The following C9 variants were observed in gnomAD, a reference collection of about 807,000 sequenced individuals.
The protein encoded by C9 is complement component C9.
In C9, 63 loss-of-function variants were observed where a neutral mutation model predicts 65.4. The observed-to-expected ratio is 0.96, with a 90% confidence interval of 0.79 to 1.19. C9 has a LOEUF of 1.19. Ranked by LOEUF, C9 falls within the 50% of genes most tolerant of loss-of-function variation. The pLI is 0.00. For synonymous variants in C9, 229 were observed against 227.9 expected (o/e 1.00, Z -0.04); for missense variants, 744 against 670.1 (o/e 1.11, Z -1.22).
chr5:39,294,675 T>C (rs1561332398), intron 9 of C9, among the ~76,000 whole-genome samples: 1 of 151,682 alleles, frequency 6.6e-6, no homozygotes, highest in African/African-American at 2.4e-5. Flanking sequence ...AAAATTTTTT[T>C]AAAGACTGAA....
chr5:39,358,668 G>T (rs998659732), intron 1 of C9, among the ~76,000 whole-genome samples: 1 of 152,092 alleles, frequency 6.6e-6, no homozygotes, highest in African/African-American at 2.4e-5. Context: ...ATAGCGAAAA[G>T]CAATCAGGTT....
chr5:39,332,861 T>G (rs1753869201), intron 4 of C9, among the ~76,000 whole-genome samples: 7 of 152,242 alleles, frequency 4.6e-5, no homozygotes, highest in Admixed American at 4.6e-4. Context: ...GGTAGTGGGT[T>G]AGTTAAAAAC....
At chr5:39,362,435 C>A (rs1277341885) in intron 1 of C9, among the ~76,000 whole-genome samples, 1 of 152,142 alleles carries the variant, frequency 6.6e-6, no homozygotes, top group East Asian at 1.9e-4. Context: ...CTGGCCACCA[C>A]CAGAAACTAG....
At chr5:39,297,191 T>C (rs2111855133) in intron 9 of C9, among the ~76,000 whole-genome samples, 1 of 151,750 alleles carries the variant, frequency 6.6e-6, no homozygotes, top group African/African-American at 2.4e-5. Context: ...GACAAATGTT[T>C]TAGATGATGG....
chr5:39,359,220 G>C (rs893120748), intron 1 of C9, among the ~76,000 whole-genome samples: 6 of 150,292 alleles, frequency 4.0e-5, no homozygotes, highest in African/African-American at 1.5e-4. Context: ...AAGTAACTTG[G>C]AGAATGGTGG....
Position 39,306,787 on chromosome 5 carries a change from T to G in C9, c.1246A>C (p.Ile416Leu). 6.2e-7 allele frequency: 1 copy of G among 1,609,696 alleles called. No individual in the cohort carries two copies. Among genetic ancestry groups the G allele is most frequent in the Non-Finnish European group, 8.5e-7 (1 of 1,176,140 alleles). The stretch of plus-strand genomic sequence containing the variant: ...TCATCTATGAGGTTTTCACTGGTGA[T>G]GTTTACTGAGGAGAGAAGGAAGATT... Reference protein sequence around the residue: ...VKRGEGRAVNITSENLIDDVV... With the variant: ...VKRGEGRAVNLTSENLIDDVV... Residue 416 changes from isoleucine to leucine, a missense_variant, in exon 9 of 11, where the codon ATC becomes CTC. Coordinates refer to ENST00000263408, the MANE Select transcript of C9 (RefSeq NM_001737.5).
chr5:39,356,435 C>T (rs978948126), intron 1 of C9, among the ~76,000 whole-genome samples: 26 of 152,222 alleles, frequency 1.7e-4, no homozygotes, highest in African/African-American at 6.0e-4. Flanking sequence ...TCTTGAGATA[C>T]AGCAAGTGGA....
At chr5:39,316,162 T>A (rs1471612565) in intron 5 of C9, 133 bp from the exon 6 acceptor site, 2 of 682,670 alleles carry the variant, frequency 2.9e-6, no homozygotes, top group Non-Finnish European at 5.0e-6. Context: ...GCAAAAGTGA[T>A]GGAGTCAGAT....
chr5:39,294,678 A>G (rs1391393165), intron 9 of C9, among the ~76,000 whole-genome samples: 1 of 151,812 alleles, frequency 6.6e-6, no homozygotes, highest in Non-Finnish European at 1.5e-5. Flanking sequence ...ATTTTTTTAA[A>G]GACTGAAATG....
intron 9 of C9, among the ~76,000 whole-genome samples, chr5:39,295,771 G>A (rs371871801): frequency 6.6e-5 from 10 of 151,440 alleles, no homozygotes; most frequent in African/African-American, 9.7e-5. Context: ...TCGCATTATC[G>A]GATCTCGAAA....
At chr5:39,346,290 G>A (rs1239091480) in intron 1 of C9, among the ~76,000 whole-genome samples, 1 of 152,170 alleles carries the variant, frequency 6.6e-6, no homozygotes, top group South Asian at 2.1e-4. Context: ...TAATAAAGAA[G>A]AAAAGAGAGA....
intron 9 of C9, among the ~76,000 whole-genome samples, chr5:39,299,517 A>G (rs1753245100): frequency 6.6e-6 from 1 of 152,160 alleles, no homozygotes; most frequent in African/African-American, 2.4e-5. Flanking sequence ...TGAAAATGAA[A>G]GGAACTACTC....
In C9 at chr5:39,364,448, C is replaced by T; in HGVS notation, c.17G>A (p.Ser6Asn). The change falls in exon 1 of 11, where the codon AGC (serine) becomes AAC (asparagine). Residue 6 changes from serine to asparagine, a missense_variant. Coordinates refer to ENST00000263408, the MANE Select transcript of C9 (RefSeq NM_001737.5). MSACR[S>N]FAVAICILEI... is the part of the protein sequence containing the mutation. ...TAAAATGCAGATTGCAACTGCAAAG[C>T]TCCGGCAGGCTGACATGCTGCTCTT... 6.2e-7 allele frequency: 1 copy of T among 1,608,318 alleles called. No individual in the cohort carries two copies. The highest frequency in any genetic ancestry group is 8.5e-7 in the Non-Finnish European group (1 of 1,175,264).
At chr5:39,341,810 T>C (rs1192201810) in intron 2 of C9, 110 bp from the exon 3 acceptor site, 3 of 1,043,786 alleles carry the variant, frequency 2.9e-6, no homozygotes, top group East Asian at 2.5e-5. Flanking sequence ...GGTTTTAAGA[T>C]AGAAGTGGTG....
chr5:39,323,782 C>T (rs74587886), intron 5 of C9, among the ~76,000 whole-genome samples: 4,479 of 151,974 alleles, frequency 0.029, 205 homozygotes, highest in African/African-American at 0.1. Flanking sequence ...CCCATTGTAT[C>T]TCTGTTCAAA....
intron 7 of C9, 99 bp from the exon 8 acceptor site, chr5:39,308,457 T>G: frequency 1.2e-6 from 1 of 843,920 alleles, no homozygotes; most frequent in Non-Finnish European, 2.0e-6. Flanking sequence ...TTACTTAGGT[T>G]CCTATACACC....
chr5:39,359,017 AATATATATATAT>A (rs58599841), intron 1 of C9, among the ~76,000 whole-genome samples: 1 of 130,734 alleles, frequency 7.6e-6, no homozygotes, highest in Non-Finnish European at 1.5e-5. Context: ...ATAAATAAAA[AATATATATATAT>A]ATATATATGT....
chr5:39,313,456 G>C (rs1302288147), intron 6 of C9, among the ~76,000 whole-genome samples: 2 of 152,050 alleles, frequency 1.3e-5, no homozygotes, highest in African/African-American at 2.4e-5. Context: ...CTTCTTAATA[G>C]AGATTATTTT....
chr5:39,343,774 C>A (rs1210009264), intron 1 of C9, among the ~76,000 whole-genome samples: 4 of 152,212 alleles, frequency 2.6e-5, no homozygotes, highest in Non-Finnish European at 5.9e-5. Context: ...AGGCACCCCC[C>A]AGTAGGGGCA....
Sources: allele counts gnomAD v4.1 joint callset (sites outside exome capture counted in the v4.1 genomes callset), GRCh38; gene constraint gnomAD v4.1.1; transcripts MANE v1.5; gene names NCBI Gene and HGNC (gene_info 2026-07-23, HGNC 2026-07-21).